Variants in LDLRAD3 observed in about 807,000 individuals in gnomAD.
The protein encoded by LDLRAD3 is low-density lipoprotein receptor class A domain-containing protein 3.
A neutral mutation model predicts 29.4 loss-of-function variants in LDLRAD3; 20 were observed. The ratio of observed to expected loss-of-function variants is 0.68; its 90% CI spans 0.48 to 0.99. The LOEUF is 0.99. LDLRAD3 is among the 50% of genes least tolerant of loss of function. LDLRAD3 has a pLI of 0.00. For synonymous variants in LDLRAD3, 157 were observed against 192.7 expected (o/e 0.81, Z 1.53); for missense variants, 420 against 454.3 (o/e 0.92, Z 0.69).
chr11:36,178,582 AC>A (rs2133355122), intron 4 of LDLRAD3, among the ~76,000 whole-genome samples: 1 of 152,000 alleles, frequency 6.6e-6, no homozygotes, highest in East Asian at 1.9e-4. Context: ...GTGGACATAT[AC>A]CCCACCTCTA....
At chr11:36,188,704 G>C (rs1392670277) in intron 4 of LDLRAD3, among the ~76,000 whole-genome samples, 1 of 152,174 alleles carries the variant, frequency 6.6e-6, no homozygotes. Context: ...GGGTAGAACA[G>C]GTCTCTGGAA....
chr11:36,218,022 G>A (rs565753260), intron 4 of LDLRAD3, among the ~76,000 whole-genome samples: 53 of 152,234 alleles, frequency 3.5e-4, no homozygotes, highest in African/African-American at 1.3e-3. Context: ...CCTTTGGAGG[G>A]ACACTACTCA....
chr11:36,049,307 T>A (rs1454540378), intron 2 of LDLRAD3, among the ~76,000 whole-genome samples: 4 of 152,210 alleles, frequency 2.6e-5, no homozygotes, highest in Non-Finnish European at 4.4e-5. Flanking sequence ...AGACTTGCAC[T>A]TTTATCTGCA....
intron 4 of LDLRAD3, among the ~76,000 whole-genome samples, chr11:36,153,996 G>C (rs1854311241): frequency 1.3e-5 from 2 of 152,120 alleles, no homozygotes; most frequent in South Asian, 4.1e-4. Context: ...GGGGTGTGGG[G>C]GAGTTGGAGA....
intron 1 of LDLRAD3, among the ~76,000 whole-genome samples, chr11:36,019,909 C>T (rs961419853): frequency 2.6e-5 from 4 of 152,164 alleles, no homozygotes; most frequent in African/African-American, 9.7e-5. Flanking sequence ...GGCGTTGTCA[C>T]CTGCTGGATG....
chr11:36,192,019 T>C (rs192943583), intron 4 of LDLRAD3, among the ~76,000 whole-genome samples: 73 of 152,216 alleles, frequency 4.8e-4, no homozygotes, highest in African/African-American at 1.6e-3. Context: ...CATACAAGCA[T>C]GCTATTTAGA....
At chr11:36,003,392 T>G (rs1851848062) in intron 1 of LDLRAD3, among the ~76,000 whole-genome samples, 5 of 152,246 alleles carry the variant, frequency 3.3e-5, no homozygotes, top group Admixed American at 2.6e-4. Context: ...CCTTTCCTGT[T>G]GAAGCCTGAG....
At chr11:36,110,916 A>G (rs764153177) in intron 4 of LDLRAD3, among the ~76,000 whole-genome samples, 16 of 152,190 alleles carry the variant, frequency 1.1e-4, no homozygotes, top group Non-Finnish European at 1.9e-4. Context: ...GTCTTTACAA[A>G]TACATAAAAA....
At chr11:36,031,927 C>G (rs1302089367) in intron 1 of LDLRAD3, among the ~76,000 whole-genome samples, 1 of 152,172 alleles carries the variant, frequency 6.6e-6, no homozygotes, top group East Asian at 1.9e-4. Context: ...GTTTGTTTTC[C>G]CACAGTGCTG....
chr11:36,145,868 C>T (rs57516682), intron 4 of LDLRAD3, among the ~76,000 whole-genome samples: 1,730 of 151,828 alleles, frequency 0.011, 44 homozygotes, highest in African/African-American at 0.04. Flanking sequence ...ACAAACACTG[C>T]GGAAGGCTGC....
intron 4 of LDLRAD3, among the ~76,000 whole-genome samples, chr11:36,131,088 C>A (rs1853919050): frequency 6.6e-6 from 1 of 152,220 alleles, no homozygotes; most frequent in Admixed American, 6.5e-5. Context: ...ACCAGAGGAG[C>A]AGATTTATCC....
At chr11:35,958,919 C>A (rs547778841) in intron 1 of LDLRAD3, among the ~76,000 whole-genome samples, 1 of 152,024 alleles carries the variant, frequency 6.6e-6, no homozygotes, top group Admixed American at 6.6e-5. Flanking sequence ...AGATTGCAGA[C>A]CCTCCTGGAA....
rs1475187134 is a variant in LDLRAD3 at position 35,946,395 on chromosome 11, C to T, written c.46+2251C>T. On this transcript the variant is annotated intron_variant, in intron 1 of 5. Coordinates refer to ENST00000315571, the MANE Select transcript of LDLRAD3 (RefSeq NM_174902.4). Reference sequence around the variant, plus strand: ...GAGTCTTTGTGGGGCTGGAAAGCCACTGACATTCCAAGAGCAGTTTGGAGG... The same window carrying T: ...GAGTCTTTGTGGGGCTGGAAAGCCATTGACATTCCAAGAGCAGTTTGGAGG... 3.9e-5 allele frequency among the ~76,000 whole-genome samples: 6 copies of T among 152,236 alleles called. 1 individual carries two copies. Among genetic ancestry groups the T allele is most frequent in the Non-Finnish European group, 7.3e-5 (5 of 68,042 alleles).
intron 2 of LDLRAD3, among the ~76,000 whole-genome samples, chr11:36,076,222 G>GTCCGTCCATCCA (rs1554962926): frequency 3.0e-4 from 43 of 145,512 alleles, no homozygotes; most frequent in South Asian, 1.9e-3. Context: ...CTGTCCATCC[G>GTCCGTCCATCCA]TCCATCCATC....
At chr11:36,042,967 G>A (rs1242651186) in intron 2 of LDLRAD3, among the ~76,000 whole-genome samples, 1 of 151,960 alleles carries the variant, frequency 6.6e-6, no homozygotes, top group Non-Finnish European at 1.5e-5. Flanking sequence ...GGTTATGGCA[G>A]CCCTAGCAAA....
intron 1 of LDLRAD3, among the ~76,000 whole-genome samples, chr11:36,009,353 G>T (rs562973658): frequency 1.4e-4 from 22 of 152,284 alleles, no homozygotes; most frequent in Admixed American, 5.9e-4. Flanking sequence ...GTCATCATAG[G>T]CAGGGCTTTG....
intron 4 of LDLRAD3, among the ~76,000 whole-genome samples, chr11:36,161,335 A>G (rs918880416): frequency 1.3e-5 from 2 of 152,188 alleles, no homozygotes; most frequent in Non-Finnish European, 2.9e-5. Flanking sequence ...GAGGAAATGG[A>G]ACTTCAGAGT....
chr11:36,043,419 G>A (rs753465536), intron 2 of LDLRAD3, among the ~76,000 whole-genome samples: 25 of 152,166 alleles, frequency 1.6e-4, no homozygotes, highest in Admixed American at 4.6e-4. Context: ...TTAACAATTT[G>A]CAAGTAAGAA....
At chr11:36,140,119 C>T (rs1171999488) in intron 4 of LDLRAD3, among the ~76,000 whole-genome samples, 1 of 152,162 alleles carries the variant, frequency 6.6e-6, no homozygotes, top group Non-Finnish European at 1.5e-5. Flanking sequence ...TTTGTTTTGT[C>T]TTGGAAAGCT....
Sources: allele counts gnomAD v4.1 joint callset (sites outside exome capture counted in the v4.1 genomes callset), GRCh38; gene constraint gnomAD v4.1.1; transcripts MANE v1.5; gene names NCBI Gene and HGNC (gene_info 2026-07-23, HGNC 2026-07-21).